Variants in SNAP25 observed in about 807,000 individuals in gnomAD.
SNAP25 encodes synaptosome associated protein 25, also known as synaptosomal-associated protein 25.
Under a neutral mutation model 28.7 loss-of-function variants are expected in SNAP25, and 3 were observed. The observed-to-expected ratio is 0.10, with a 90% confidence interval of 0.05 to 0.27. The LOEUF (loss-of-function observed/expected upper bound fraction) is 0.27. SNAP25 is among the 10% of genes least tolerant of loss of function. The pLI is 1.00. For synonymous variants in SNAP25, 61 were observed against 88.1 expected (o/e 0.69, Z 1.72); for missense variants, 117 against 278.7 (o/e 0.42, Z 4.13).
At chr20:10,247,768 C>T (rs1415542989) in intron 1 of SNAP25, among the ~76,000 whole-genome samples, 3 of 152,258 alleles carry the variant, frequency 2.0e-5, no homozygotes, top group Admixed American at 1.3e-4. Flanking sequence ...GATGATGGCA[C>T]GAAAGCAAAC....
chr20:10,245,404 C>A (rs2063109093), intron 1 of SNAP25, among the ~76,000 whole-genome samples: 1 of 152,176 alleles, frequency 6.6e-6, no homozygotes, highest in African/African-American at 2.4e-5. Flanking sequence ...CATGCTGTGT[C>A]TTCCACAGTC....
intron 2 of SNAP25, among the ~76,000 whole-genome samples, chr20:10,277,260 A>G (rs2063707521): frequency 6.6e-6 from 1 of 152,186 alleles, no homozygotes; most frequent in Non-Finnish European, 1.5e-5. Flanking sequence ...GAGCTTTGTA[A>G]GAAACTTGAT....
intron 5 of SNAP25, among the ~76,000 whole-genome samples, chr20:10,295,435 A>G (rs561429981): frequency 2.0e-5 from 3 of 152,340 alleles, no homozygotes; most frequent in African/African-American, 7.2e-5. Flanking sequence ...TCTAAGCCCT[A>G]TTAAATTTAG....
intron 1 of SNAP25, among the ~76,000 whole-genome samples, chr20:10,233,177 A>G (rs934633106): frequency 7.2e-5 from 11 of 152,160 alleles, no homozygotes. Context: ...TCATGACCAT[A>G]TTATGTGCAC....
chr20:10,256,837 T>G lies in SNAP25; in HGVS notation c.-63-18592T>G, dbSNP rs961731794. On this transcript the variant is annotated intron_variant, in intron 1 of 7. Coordinates refer to ENST00000254976, the MANE Select transcript of SNAP25 (RefSeq NM_130811.4). Reference sequence around the variant, plus strand: ...GAGATTAGCCAAATAAATCTTAATATGTTATGTGAGGGAACATCATGCAGT... The same window carrying G: ...GAGATTAGCCAAATAAATCTTAATAGGTTATGTGAGGGAACATCATGCAGT... Among the ~76,000 whole-genome samples, 3 of 152,178 alleles carry G rather than the reference T, an allele frequency of 2.0e-5. No homozygotes were observed. In the East Asian group the frequency reaches 5.8e-4, roughly 29 times the overall value.
intron 1 of SNAP25, among the ~76,000 whole-genome samples, chr20:10,270,532 C>T (rs1433753648): frequency 6.6e-6 from 1 of 152,066 alleles, no homozygotes; most frequent in Non-Finnish European, 1.5e-5. Flanking sequence ...AACCCTATCT[C>T]TACTAAAAAT....
intron 1 of SNAP25, among the ~76,000 whole-genome samples, chr20:10,221,514 A>T (rs1380185296): frequency 6.6e-6 from 1 of 152,190 alleles, no homozygotes; most frequent in African/African-American, 2.4e-5. Flanking sequence ...TGGACATAGG[A>T]TGAGCCAGGA....
At chr20:10,261,319 C>T (rs1045266177) in intron 1 of SNAP25, among the ~76,000 whole-genome samples, 2 of 152,122 alleles carry the variant, frequency 1.3e-5, no homozygotes, top group African/African-American at 4.8e-5. Context: ...GATAAAGGTA[C>T]CTACACACAC....
chr20:10,280,495 A>C (rs1332773773), intron 3 of SNAP25, among the ~76,000 whole-genome samples: 1 of 152,184 alleles, frequency 6.6e-6, no homozygotes, highest in African/African-American at 2.4e-5. Flanking sequence ...GGAAACAGAT[A>C]TGTAAGTAGC....
intron 4 of SNAP25, among the ~76,000 whole-genome samples, chr20:10,285,751 C>A (rs1328130080): frequency 6.6e-6 from 1 of 152,054 alleles, no homozygotes; most frequent in South Asian, 2.1e-4. Context: ...AGAGCCCTTG[C>A]ATATCAAAGA....
chr20:10,236,737 C>T, intron 1 of SNAP25, among the ~76,000 whole-genome samples: 1 of 152,042 alleles, frequency 6.6e-6, no homozygotes, highest in Non-Finnish European at 1.5e-5. Context: ...GCAGCAGGTC[C>T]CACCAGAGCC....
chr20:10,236,250 G>C (rs1029186950), intron 1 of SNAP25, among the ~76,000 whole-genome samples: 2 of 151,998 alleles, frequency 1.3e-5, no homozygotes, highest in African/African-American at 4.8e-5. Context: ...GGTTCAAGAG[G>C]GCACCTGAAT....
intron 4 of SNAP25, among the ~76,000 whole-genome samples, chr20:10,291,913 G>C (rs995609918): frequency 6.6e-6 from 1 of 152,194 alleles, no homozygotes; most frequent in Non-Finnish European, 1.5e-5. Flanking sequence ...CATTGAACTT[G>C]TAGTTATCTC....
At chr20:10,292,754 A>G in intron 4 of SNAP25, 1 of 656,044 alleles carries the variant, frequency 1.5e-6, no homozygotes, top group Non-Finnish European at 2.6e-6. Flanking sequence ...GTCTTCAACA[A>G]TGCATCCTCT....
intron 4 of SNAP25, among the ~76,000 whole-genome samples, chr20:10,286,279 GATGCCTC>G (rs1357451737): frequency 1.3e-5 from 2 of 152,138 alleles, no homozygotes; most frequent in African/African-American, 4.8e-5. Context: ...ACTGGAGGAA[GATGCCTC>G]ATTTGGGGTC....
rs146336431 is a variant in SNAP25, at chr20:10,240,689, C to G, written c.-64+21712C>G. Among the ~76,000 whole-genome samples, 1,210 of 152,284 alleles carry G rather than the reference C, an allele frequency of 7.9e-3. 18 individuals are homozygous for G. Among genetic ancestry groups the G allele is most frequent in the African/African-American group, 0.027 (1,113 of 41,564 alleles). ...GCCTTCCAAACGAACATTTCTTAGCCGCCAGGCCTCGTTCTGAACTGGGTA... is the reference window on the plus strand; with the variant it reads ...GCCTTCCAAACGAACATTTCTTAGCGGCCAGGCCTCGTTCTGAACTGGGTA... On this transcript the variant is annotated intron_variant, in intron 1 of 7. Transcript: ENST00000254976.
chr20:10,221,262 G>C (rs933453275), intron 1 of SNAP25, among the ~76,000 whole-genome samples: 1 of 152,194 alleles, frequency 6.6e-6, no homozygotes, highest in African/African-American at 2.4e-5. Context: ...AGGAGCGGGG[G>C]AAGTAGAGGA....
chr20:10,240,702 T>C lies in SNAP25; in HGVS notation c.-64+21725T>C, dbSNP rs142820597. Among the ~76,000 whole-genome samples the C allele has an allele frequency of 8.0e-3, 1,213 of 152,288 alleles. 19 individuals are homozygous for C. Among genetic ancestry groups the C allele is most frequent in the African/African-American group, 0.027 (1,116 of 41,570 alleles). On this transcript the variant is annotated intron_variant, in intron 1 of 7. Coordinates refer to ENST00000254976, the MANE Select transcript of SNAP25 (RefSeq NM_130811.4). ...ACATTTCTTAGCCGCCAGGCCTCGT[T>C]CTGAACTGGGTAATTGTGATGTTTG... is the stretch of plus-strand genomic sequence containing the variant.
chr20:10,257,214 A>G (rs1275387578), intron 1 of SNAP25, among the ~76,000 whole-genome samples: 1 of 152,208 alleles, frequency 6.6e-6, no homozygotes, highest in Non-Finnish European at 1.5e-5. Context: ...AAAAAAGGAA[A>G]AAAACAATTC....
Sources: gnomAD v4.1 joint callset for allele counts (sites outside exome capture counted in the v4.1 genomes callset) on GRCh38, gnomAD v4.1.1 for gene constraint, MANE v1.5 for transcripts, NCBI Gene and HGNC (gene_info 2026-07-23, HGNC 2026-07-21) for gene names.